DMD: variants seen among roughly 807,000 people sequenced by gnomAD.
DMD encodes the protein dystrophin.
Under a neutral mutation model 330.1 loss-of-function variants are expected in DMD, and 63 were observed. The observed-to-expected ratio is 0.19, with a 90% confidence interval of 0.16 to 0.24. The LOEUF is 0.24. Among genes scored for constraint, DMD ranks in the 10% least tolerant of loss-of-function variants. DMD has a pLI of 1.00. For synonymous variants in DMD, 1,223 were observed against 959.8 expected (o/e 1.27, Z -5.07); for missense variants, 3,344 against 2,684.1 (o/e 1.25, Z -5.43).
chrX:31,123,042 C>CATA (rs778024370), intron 78 of DMD, among the ~76,000 whole-genome samples: 9 of 97,522 alleles, frequency 9.2e-5, no homozygotes, highest in Non-Finnish European at 1.4e-4. Context: ...TACAGATTCC[C>CATA]ATAATAATTG....
chrX:33,338,274 C>T (rs1038814423), intron 1 of DMD, among the ~76,000 whole-genome samples: 5 of 110,363 alleles, frequency 4.5e-5, no homozygotes, highest in African/African-American at 1.6e-4. Flanking sequence ...GCATAAATTG[C>T]TCCCCTTTCT....
chrX:32,667,116 C>G (rs988799672), intron 9 of DMD, among the ~76,000 whole-genome samples: 5 of 111,381 alleles, frequency 4.5e-5, no homozygotes, highest in African/African-American at 1.6e-4. Context: ...TTGCCATTTG[C>G]TACAACATGG....
chrX:32,487,094 C>A (rs1352955853), intron 20 of DMD, among the ~76,000 whole-genome samples: 1 of 110,671 alleles, frequency 9.0e-6, no homozygotes, highest in Admixed American at 9.6e-5. Flanking sequence ...TTTTTGCAAC[C>A]TACTCATCTG....
chrX:32,281,537 A>G (rs916205997), intron 43 of DMD, among the ~76,000 whole-genome samples: 1 of 111,937 alleles, frequency 8.9e-6, no homozygotes, highest in African/African-American at 3.2e-5. Context: ...CAGCATCCAC[A>G]TCAAGAAACA....
At chrX:32,329,804 T>C (rs763135213) in intron 41 of DMD, among the ~76,000 whole-genome samples, 1 of 112,642 alleles carries the variant, frequency 8.9e-6, no homozygotes, top group African/African-American at 3.2e-5. Flanking sequence ...CTTTCCCCAG[T>C]TAATTTATTC....
At chrX:32,731,576 G>A (rs1185820248) in intron 7 of DMD, among the ~76,000 whole-genome samples, 4 of 112,366 alleles carry the variant, frequency 3.6e-5, no homozygotes, top group Non-Finnish European at 5.6e-5. Flanking sequence ...AGAAGGGGCA[G>A]ACTGCCTCCT....
At chrX:31,721,734 A>ATATATC (rs1556846299) in intron 52 of DMD, among the ~76,000 whole-genome samples, 3,527 of 92,568 alleles carry the variant, frequency 0.038, 101 homozygotes, top group Non-Finnish European at 0.057. Context: ...ATATATATAT[A>ATATATC]TATATATATA....
At chrX:33,020,925 A>T (rs1489706552) in intron 1 of DMD, among the ~76,000 whole-genome samples, 4 of 110,885 alleles carry the variant, frequency 3.6e-5, no homozygotes, top group African/African-American at 1.3e-4. Flanking sequence ...TACATACTCT[A>T]ACATGGGCCT....
intron 44 of DMD, among the ~76,000 whole-genome samples, chrX:31,980,824 T>A: frequency 8.9e-6 from 1 of 111,967 alleles, no homozygotes. Flanking sequence ...CTCTCCCAAA[T>A]AAGTCTGTTT....
At chrX:31,361,770 CTT>C (rs1174751121) in intron 60 of DMD, among the ~76,000 whole-genome samples, 2 of 93,445 alleles carry the variant, frequency 2.1e-5, no homozygotes, top group Admixed American at 1.2e-4. Flanking sequence ...CTCTTACCAT[CTT>C]TTTTTTTTTT....
intron 1 of DMD, among the ~76,000 whole-genome samples, chrX:33,061,479 G>T (rs180947460): frequency 9.0e-6 from 1 of 111,621 alleles, no homozygotes; most frequent in East Asian, 2.8e-4. Context: ...TAGTGATATT[G>T]TAGGCATATT....
chrX:32,309,371 G>A (rs984000597), intron 42 of DMD, among the ~76,000 whole-genome samples: 1 of 111,056 alleles, frequency 9.0e-6, no homozygotes, highest in African/African-American at 3.3e-5. Context: ...ATTTCATTTT[G>A]AGTGTAAAAT....
chrX:32,265,871 A>G (rs1884184644), intron 43 of DMD, among the ~76,000 whole-genome samples: 1 of 111,808 alleles, frequency 8.9e-6, no homozygotes, highest in African/African-American at 3.3e-5. Context: ...TTTTGATTTT[A>G]TGGCTCCTAG....
In DMD at chrX:32,237,825, G is replaced by A. The variant is rs959770910; in HGVS notation, c.6291-20762C>T. On this transcript the variant is annotated intron_variant, in intron 43 of 78. Coordinates refer to ENST00000357033, the MANE Select transcript of DMD (RefSeq NM_004006.3). Reference sequence around the variant, plus strand: ...GCTTAGATTCCTGAGTGACTACAATGATCAGAACCCTTGACTGACTTGTGT... The same window carrying A: ...GCTTAGATTCCTGAGTGACTACAATAATCAGAACCCTTGACTGACTTGTGT... 2.7e-5 allele frequency among the ~76,000 whole-genome samples: 3 copies of A among 111,928 alleles called. No individual in the cohort carries two copies. The East Asian group carries it at 8.5e-4, about 32-fold the overall frequency.
At chrX:32,533,855 C>T (rs1242701463) in intron 17 of DMD, among the ~76,000 whole-genome samples, 2 of 111,529 alleles carry the variant, frequency 1.8e-5, no homozygotes, top group Non-Finnish European at 3.8e-5. Flanking sequence ...TGTGAAAGGT[C>T]CTTGAGTTTA....
chrX:32,595,415 T>C (rs1450015446), intron 13 of DMD, among the ~76,000 whole-genome samples: 1 of 111,907 alleles, frequency 8.9e-6, no homozygotes, highest in Non-Finnish European at 1.9e-5. Context: ...TCAATTGTTA[T>C]TTTAAATGGA....
chrX:32,660,407 G>T (rs56361250), intron 9 of DMD, among the ~76,000 whole-genome samples: 12,341 of 110,758 alleles, frequency 0.11, 1,602 homozygotes, highest in African/African-American at 0.37. Context: ...TAAGTGAGGT[G>T]AACATAGAAA....
intron 21 of DMD, among the ~76,000 whole-genome samples, chrX:32,480,761 T>C (rs113882263): frequency 0.017 from 1,925 of 110,753 alleles, 48 homozygotes; most frequent in African/African-American, 0.059. Flanking sequence ...CAGGGAACAA[T>C]TCTTTTATCT....
chrX:32,305,118 T>C (rs1245819222), intron 42 of DMD, among the ~76,000 whole-genome samples: 4 of 111,814 alleles, frequency 3.6e-5, no homozygotes, highest in Non-Finnish European at 7.6e-5. Flanking sequence ...TCAGATATTT[T>C]GTTTGGATTT....
Sources: allele counts gnomAD v4.1 joint callset (sites outside exome capture counted in the v4.1 genomes callset), GRCh38; gene constraint gnomAD v4.1.1; transcripts MANE v1.5; gene names NCBI Gene and HGNC (gene_info 2026-07-23, HGNC 2026-07-21).